Variants in CACNG4 observed in about 807,000 individuals in gnomAD.
The protein encoded by CACNG4 is calcium voltage-gated channel auxiliary subunit gamma 4, also known as voltage-dependent calcium channel gamma-4 subunit.
A neutral mutation model predicts 22.9 loss-of-function variants in CACNG4; 8 were observed. The observed-to-expected ratio is 0.35, with a 90% confidence interval of 0.21 to 0.63. CACNG4 has a LOEUF of 0.63. CACNG4 is among the 30% of genes least tolerant of loss of function. The pLI is 0.72. For missense variants in CACNG4, 357 were observed against 455.4 expected, an observed-to-expected ratio of 0.78 and a Z score of 1.97; for synonymous variants, 188 against 191.9, an observed-to-expected ratio of 0.98 and a Z score of 0.17.
chr17:67,017,498 C>A (rs118019276), intron 1 of CACNG4, among the ~76,000 whole-genome samples: 7,224 of 150,328 alleles, frequency 0.048, 243 homozygotes, highest in Non-Finnish European at 0.073. Flanking sequence ...TGGGCAAATT[C>A]GTTGTTGTTG....
At chr17:67,015,771 T>G (rs1001350839) in intron 1 of CACNG4, among the ~76,000 whole-genome samples, 1 of 152,162 alleles carries the variant, frequency 6.6e-6, no homozygotes, top group Admixed American at 6.5e-5. Context: ...GGTCCCACCA[T>G]GCATGTGTGA....
In CACNG4 at chr17:67,024,904, C is replaced by T; in HGVS notation, c.349C>T (p.Leu117=). ...SSVFPILSTI[L]LLLGGLCIGA... is the part of the protein sequence containing the mutation. ...CGTCTTCCCCATCCTCAGCACCATC[C>T]TGCTCCTGCTGGGTGGCCTGTGCAT... The change falls in exon 3 of 4, where the codon CTG becomes TTG. Residue 117 remains leucine (L), a synonymous_variant. Coordinates refer to ENST00000262138, the MANE Select transcript of CACNG4 (RefSeq NM_014405.4). 1.2e-6 allele frequency: 2 copies of T among 1,604,570 alleles called. No homozygotes were observed. The highest frequency in any genetic ancestry group is 8.5e-7 in the Non-Finnish European group (1 of 1,177,006).
In CACNG4 at chr17:66,984,240, A is replaced by T. The variant is rs1244509846; in HGVS notation, c.220+19109A>T. Reference sequence around the variant, plus strand: ...CAACAACAAAAAATTAATTAGCTGGACATGGTGGTGCACACCTTTAGCCCT... The same window carrying T: ...CAACAACAAAAAATTAATTAGCTGGTCATGGTGGTGCACACCTTTAGCCCT... On this transcript the variant is annotated intron_variant, in intron 1 of 3. Coordinates refer to ENST00000262138, the MANE Select transcript of CACNG4 (RefSeq NM_014405.4). This position sits in a 1 kb window ranked among gnomAD's most constrained non-coding sequence, Gnocchi z 4.0. Among the ~76,000 whole-genome samples the T allele has an allele frequency of 6.6e-6, 1 of 152,064 alleles. No homozygotes were observed. Among genetic ancestry groups the T allele is most frequent in the East Asian group, 1.9e-4 (1 of 5,184 alleles).
intron 1 of CACNG4, among the ~76,000 whole-genome samples, chr17:66,983,344 C>T (rs185336394): frequency 2.5e-4 from 38 of 152,296 alleles, no homozygotes; most frequent in Non-Finnish European, 3.7e-4. Flanking sequence ...GGGGAAAAGG[C>T]GAGGTTGTGG....
chr17:67,026,179 G>GGAGTGT (rs1338163351), intron 3 of CACNG4, among the ~76,000 whole-genome samples: 1 of 149,216 alleles, frequency 6.7e-6, no homozygotes, highest in African/African-American at 2.5e-5. Flanking sequence ...TTGTGTGTGA[G>GGAGTGT]GAGTGTGGTG....
Position 66,969,916 on chromosome 17 carries a change from C to G in CACNG4, c.220+4785C>G, listed in dbSNP as rs567973295. On this transcript the variant is annotated intron_variant, in intron 1 of 3. Coordinates refer to ENST00000262138, the MANE Select transcript of CACNG4 (RefSeq NM_014405.4). The stretch of plus-strand genomic sequence containing the variant: ...TGCTTTCATTTTCTCTTGAAATAAC[C>G]CAGAGGCAGCCTGTCCAGTCAGGCC... Among the ~76,000 whole-genome samples the G allele has an allele frequency of 4.6e-5, 7 of 152,250 alleles. No homozygotes were observed. In the East Asian group the frequency reaches 1.4e-3, roughly 29 times the overall value.
chr17:67,004,298 G>C (rs1054565494), intron 1 of CACNG4, among the ~76,000 whole-genome samples: 1 of 152,148 alleles, frequency 6.6e-6, no homozygotes, highest in African/African-American at 2.4e-5. Flanking sequence ...AAATCTCTCC[G>C]GCTCCGTTTA....
chr17:66,989,281 A>C (rs2035324440), intron 1 of CACNG4, among the ~76,000 whole-genome samples: 1 of 151,156 alleles, frequency 6.6e-6, no homozygotes, highest in African/African-American at 2.5e-5. Context: ...ATGAGGTCAT[A>C]CTCCATTAGA....
intron 1 of CACNG4, among the ~76,000 whole-genome samples, chr17:66,987,071 G>A (rs1418807886): frequency 6.6e-6 from 1 of 152,202 alleles, no homozygotes. Flanking sequence ...TGGTTGCCAG[G>A]GGCTGAGGGG....
At chr17:67,016,065 C>T (rs114282940) in intron 1 of CACNG4, among the ~76,000 whole-genome samples, 2,271 of 152,172 alleles carry the variant, frequency 0.015, 53 homozygotes, top group African/African-American at 0.053. Flanking sequence ...TTCAGCCACT[C>T]ATGAAGGAGC....
chr17:67,009,542 C>G (rs1368911107), intron 1 of CACNG4, among the ~76,000 whole-genome samples: 2 of 152,036 alleles, frequency 1.3e-5, no homozygotes, highest in South Asian at 4.1e-4. Context: ...CACGCCCTCC[C>G]TTAATCCATT....
intron 2 of CACNG4, among the ~76,000 whole-genome samples, chr17:67,022,627 A>G (rs1251776355): frequency 6.6e-6 from 1 of 152,220 alleles, no homozygotes; most frequent in African/African-American, 2.4e-5. Context: ...CTGCCTTCAG[A>G]GGAGAGGCTG....
intron 1 of CACNG4, among the ~76,000 whole-genome samples, chr17:66,967,777 T>C (rs767200699): frequency 2.6e-5 from 4 of 152,178 alleles, no homozygotes; most frequent in Non-Finnish European, 4.4e-5. Context: ...TCTGAAGGGT[T>C]TGCTGGCAAC....
At chr17:66,986,894 G>C in intron 1 of CACNG4, among the ~76,000 whole-genome samples, 1 of 152,170 alleles carries the variant, frequency 6.6e-6, no homozygotes, top group East Asian at 1.9e-4. Context: ...CATCTGTAAT[G>C]ACTTTATTTC....
At chr17:66,987,709 T>C (rs1197417853) in intron 1 of CACNG4, among the ~76,000 whole-genome samples, 4 of 152,128 alleles carry the variant, frequency 2.6e-5, no homozygotes, top group South Asian at 2.1e-4. Flanking sequence ...GCAGAAACAC[T>C]GTCCAAGGAA....
chr17:67,024,299 G>A (rs1434612789), intron 2 of CACNG4, among the ~76,000 whole-genome samples: 1 of 152,228 alleles, frequency 6.6e-6, no homozygotes, highest in East Asian at 1.9e-4. Context: ...TAGGACACTG[G>A]TGCTATGAGG....
intron 1 of CACNG4, among the ~76,000 whole-genome samples, chr17:67,003,646 C>T (rs957362479): frequency 8.5e-5 from 13 of 152,156 alleles, no homozygotes; most frequent in Admixed American, 2.6e-4. Context: ...TCCCTGGTCA[C>T]GTGTTGCCAG....
At chr17:66,974,821 C>A (rs1299007566) in intron 1 of CACNG4, among the ~76,000 whole-genome samples, 1 of 152,200 alleles carries the variant, frequency 6.6e-6, no homozygotes, top group Non-Finnish European at 1.5e-5. Flanking sequence ...CAGGGTCTAT[C>A]TGGAGTTGGG....
chr17:67,019,445 A>G (rs940590746), intron 2 of CACNG4, among the ~76,000 whole-genome samples: 13 of 152,124 alleles, frequency 8.5e-5, no homozygotes, highest in Non-Finnish European at 5.9e-5. Context: ...GCCGCCAGAG[A>G]TGGTTGTGCA....
Sources: allele counts gnomAD v4.1 joint callset (sites outside exome capture counted in the v4.1 genomes callset), GRCh38; gene constraint gnomAD v4.1.1; non-coding constraint Gnocchi (gnomAD v3.1); transcripts MANE v1.5; gene names NCBI Gene and HGNC (gene_info 2026-07-23, HGNC 2026-07-21).